The following TENM4 variants were observed in gnomAD, a reference collection of about 807,000 sequenced individuals.
TENM4 encodes teneurin-4.
TENM4 carries 82 observed loss-of-function variants against 243.3 expected under a neutral mutation model. The ratio of observed to expected loss-of-function variants is 0.34; its 90% CI spans 0.28 to 0.40. TENM4 has a LOEUF of 0.40. Among genes scored for constraint, TENM4 ranks in the 10% least tolerant of loss-of-function variants. TENM4 has a pLI of 1.00. For synonymous variants in TENM4, 1,412 were observed against 1,456.3 expected (o/e 0.97, Z 0.69); for missense variants, 3,138 against 3,673.3 (o/e 0.85, Z 3.77).
intron 6 of TENM4, among the ~76,000 whole-genome samples, chr11:78,920,113 A>G (rs531609199): frequency 1.3e-5 from 2 of 152,306 alleles, no homozygotes; most frequent in South Asian, 4.1e-4. Context: ...GTTAGTGAAC[A>G]GATGAGCAGG....
intron 12 of TENM4, among the ~76,000 whole-genome samples, chr11:78,834,835 C>T (rs751783714): frequency 1.9e-4 from 29 of 152,222 alleles, no homozygotes; most frequent in Non-Finnish European, 3.1e-4. Context: ...ATTGCTGCTG[C>T]TTCCACGTCA....
At chr11:79,025,292 TG>T (rs1859046572) in intron 6 of TENM4, among the ~76,000 whole-genome samples, 1 of 152,202 alleles carries the variant, frequency 6.6e-6, no homozygotes, top group Non-Finnish European at 1.5e-5. Flanking sequence ...AATGAATGAA[TG>T]AATGAGTGAT....
chr11:78,850,679 C>T (rs1858514618), intron 12 of TENM4, among the ~76,000 whole-genome samples: 1 of 152,118 alleles, frequency 6.6e-6, no homozygotes, highest in Admixed American at 6.6e-5. Flanking sequence ...GTCAGAAAGG[C>T]AGCAAGAGAA....
chr11:79,014,963 C>T (rs1458989433), intron 6 of TENM4, among the ~76,000 whole-genome samples: 1 of 152,206 alleles, frequency 6.6e-6, no homozygotes, highest in Non-Finnish European at 1.5e-5. Context: ...TAAAGTGTTC[C>T]TAAGAATTTG....
chr11:79,003,853 G>T (rs997158868), intron 6 of TENM4, among the ~76,000 whole-genome samples: 2 of 152,042 alleles, frequency 1.3e-5, no homozygotes, highest in Admixed American at 6.6e-5. Flanking sequence ...CTCGGATAAA[G>T]AAGCAAGACC....
Position 78,701,915 on chromosome 11 carries a change from G to A in TENM4, c.4698C>T (p.Asn1566=), listed in dbSNP as rs1386428122. 6.8e-6 allele frequency: 11 copies of A among 1,613,892 alleles called. No individual in the cohort carries two copies. The highest frequency in any genetic ancestry group is 9.3e-6 in the Non-Finnish European group (11 of 1,179,906). The change falls in exon 28 of 34, where the codon AAC becomes AAT. Residue 1566 remains asparagine (N), a synonymous_variant. Transcript: ENST00000278550. ...GNIRIRFIRK[N]KPFLNTQNMY... Reference sequence around the variant, plus strand: ...TGTTCTGGGTGTTGAGGAAAGGCTTGTTCTTCCGGATAAACCGAATTCGGA... The same window carrying A: ...TGTTCTGGGTGTTGAGGAAAGGCTTATTCTTCCGGATAAACCGAATTCGGA...
At chr11:79,080,968 C>T (rs1427530088) in intron 4 of TENM4, among the ~76,000 whole-genome samples, 3 of 152,194 alleles carry the variant, frequency 2.0e-5, no homozygotes, top group African/African-American at 7.2e-5. Context: ...CCTACTGCGT[C>T]CAATCTTAAC....
intron 2 of TENM4, among the ~76,000 whole-genome samples, chr11:79,241,136 A>C (rs1004510870): frequency 3.3e-5 from 5 of 151,456 alleles, no homozygotes; most frequent in African/African-American, 1.2e-4. Context: ...TTTTTTTTTC[A>C]AGGAAAAATA....
chr11:78,856,608 G>A (rs1858686999), intron 10 of TENM4, among the ~76,000 whole-genome samples: 1 of 152,076 alleles, frequency 6.6e-6, no homozygotes, highest in Non-Finnish European at 1.5e-5. Flanking sequence ...AACTCAGAAT[G>A]AGTCCCCCAG....
At chr11:79,200,842 T>G (rs1235719858) in intron 3 of TENM4, among the ~76,000 whole-genome samples, 1 of 152,204 alleles carries the variant, frequency 6.6e-6, no homozygotes, top group Admixed American at 6.5e-5. Context: ...TGGAAAAACT[T>G]CTAGCTGGGG....
In TENM4 at chr11:78,757,388, CT is replaced by C. The variant is rs1305461624; in HGVS notation, c.2540-368del. Among the ~76,000 whole-genome samples the C allele has an allele frequency of 2.0e-5, 3 of 152,360 alleles. No individual in the cohort carries two copies. In the East Asian group the frequency reaches 5.8e-4, roughly 29 times the overall value. Reference sequence around the variant, plus strand: ...GTGAGTGGAAGAGCACCATGTGAGGCTGCTGAGGTTGACAGGGGCACACCAG... The same window carrying C: ...GTGAGTGGAAGAGCACCATGTGAGGCGCTGAGGTTGACAGGGGCACACCAG... On this transcript the variant is annotated intron_variant, in intron 18 of 33. Coordinates refer to ENST00000278550, the MANE Select transcript of TENM4 (RefSeq NM_001098816.3).
chr11:78,927,262 A>G (rs1565129610), intron 6 of TENM4, among the ~76,000 whole-genome samples: 2 of 152,202 alleles, frequency 1.3e-5, no homozygotes, highest in African/African-American at 4.8e-5. Flanking sequence ...CTTTGTCTAC[A>G]TGGATTGCAC....
At chr11:79,246,051 G>A (rs111659034) in intron 2 of TENM4, among the ~76,000 whole-genome samples, 85 of 151,218 alleles carry the variant, frequency 5.6e-4, no homozygotes, top group Middle Eastern at 3.4e-3. Flanking sequence ...GACAAACAGC[G>A]CAAGTGGTAA....
At chr11:78,974,871 G>C (rs895338956) in intron 6 of TENM4, among the ~76,000 whole-genome samples, 3 of 151,778 alleles carry the variant, frequency 2.0e-5, no homozygotes, top group Non-Finnish European at 2.9e-5. Flanking sequence ...TTTTAGTAGA[G>C]ACTGGGTTTT....
intron 2 of TENM4, among the ~76,000 whole-genome samples, chr11:79,240,197 G>T (rs952034707): frequency 9.2e-5 from 14 of 152,140 alleles, no homozygotes; most frequent in Non-Finnish European, 1.9e-4. Context: ...GGGTCATTAT[G>T]AGGACTGAAT....
At chr11:79,101,939 T>G (rs7936979) in intron 4 of TENM4, among the ~76,000 whole-genome samples, 19,603 of 152,128 alleles carry the variant, frequency 0.13, 2,306 homozygotes, top group African/African-American at 0.32. Context: ...AGAGACTGGA[T>G]AGTGCCAGGG....
At chr11:78,804,016 T>A (rs959054973) in intron 15 of TENM4, among the ~76,000 whole-genome samples, 1 of 152,222 alleles carries the variant, frequency 6.6e-6, no homozygotes, top group African/African-American at 2.4e-5. Flanking sequence ...CCCAAAGGCA[T>A]GAATGCTACA....
chr11:78,802,617 G>A (rs957218716), intron 15 of TENM4, among the ~76,000 whole-genome samples: 1 of 152,214 alleles, frequency 6.6e-6, no homozygotes, highest in Non-Finnish European at 1.5e-5. Flanking sequence ...TCCCTCACCA[G>A]CATGGCTCAT....
At chr11:79,048,061 TTTTCA>T (rs1273877482) in intron 6 of TENM4, among the ~76,000 whole-genome samples, 1 of 152,212 alleles carries the variant, frequency 6.6e-6, no homozygotes, top group Non-Finnish European at 1.5e-5. Context: ...ACAATTTTTC[TTTTCA>T]TTTGTCTTTT....
Sources: allele counts gnomAD v4.1 joint callset (sites outside exome capture counted in the v4.1 genomes callset), GRCh38; gene constraint gnomAD v4.1.1; transcripts MANE v1.5; gene names NCBI Gene and HGNC (gene_info 2026-07-23, HGNC 2026-07-21).